ROGDI: variants seen among roughly 807,000 people sequenced by gnomAD.
ROGDI encodes protein rogdi homolog.
Under a neutral mutation model 43.1 loss-of-function variants are expected in ROGDI, and 46 were observed. That is an observed-to-expected ratio of 1.07 (90% CI 0.84 to 1.37). The LOEUF is 1.37. ROGDI is among the 40% of genes most tolerant of loss of function. ROGDI has a pLI of 0.00. For missense variants in ROGDI, 518 were observed against 383.9 expected (o/e 1.35, Z -2.92); for synonymous variants, 243 against 162.0 (o/e 1.50, Z -3.80).
Position 4,802,423 on chromosome 16 carries a change from C to G in ROGDI, c.76G>C (p.Glu26Gln), listed in dbSNP as rs868321489. The change falls in exon 2 of 11, where the codon GAG becomes CAG. Residue 26 changes from glutamate (E) to glutamine (Q), a missense_variant. Glu to Gln is a conservative substitution (Grantham distance 29, BLOSUM62 2). Transcript: ENST00000322048. ...AGCTGCTTCAACACAGCGTGCACCT[C>G]GTCGTGCAGCAGCCAGCGGAACTCC... The part of the protein sequence containing the change: ...EEEFRWLLHD[E>Q]VHAVLKQLQD... 1 of 1,509,936 alleles carries G rather than the reference C, an allele frequency of 6.6e-7. No individual in the cohort carries two copies. Among genetic ancestry groups the G allele is most frequent in the Non-Finnish European group, 8.8e-7 (1 of 1,134,708 alleles). The allele number at this position is 1,509,936 out of a possible 1,614,324, so 93.5% of individuals were successfully genotyped here.
At chr16:4,797,885 G>A in intron 9 of ROGDI, 45 bp from the exon 10 acceptor site, 1 of 1,605,134 alleles carries the variant, frequency 6.2e-7, no homozygotes, top group South Asian at 1.1e-5. Context: ...CGGCCCTCCA[G>A]GTGTGGAGGG....
At position 4,800,436 on chromosome 16, in the gene ROGDI, C is replaced by CGCGGCAG. The variant is rs1388344690; in HGVS notation, c.336+55_336+61dup. On this transcript the variant is annotated intron_variant, in intron 5 of 10. Transcript: ENST00000322048. ...GGCTAGTCCCTCTCCAGGGAGGCCC[C>CGCGGCAG]GCGGCAGGCCTGCTGCCGCCTGTCC... The CGCGGCAG allele has an allele frequency of 8.9e-5, 122 of 1,365,808 alleles. 1 individual carries two copies. The highest frequency in any genetic ancestry group is 4.0e-5 in the Admixed American group (2 of 49,946). 84.6% of individuals were successfully genotyped at this position (1,365,808 alleles called of 1,614,324 possible). A position where few individuals can be genotyped will look rare whatever the true frequency, so the allele number is the denominator to read the frequency against.
chr16:4,797,646 C>G (rs371842781), intron 10 of ROGDI, 68 bp downstream of exon 10: 6 of 1,607,084 alleles, frequency 3.7e-6, no homozygotes, highest in Non-Finnish European at 5.1e-6. Flanking sequence ...AAGGTTGGGG[C>G]GCTCTGAGGG....
At chr16:4,801,646 C>T in intron 2 of ROGDI, 61 bp from the exon 3 acceptor site, 2 of 1,439,954 alleles carry the variant, frequency 1.4e-6, no homozygotes, top group South Asian at 1.2e-5. Context: ...CCCAGTGCTC[C>T]TTCCAGAAGC....
In ROGDI at chr16:4,801,519, T is replaced by C. The variant is rs773693246; in HGVS notation, c.184A>G (p.Ile62Val). 5.0e-6 allele frequency: 8 copies of C among 1,606,444 alleles called. No homozygotes were observed. The East Asian group carries it at 1.8e-4, about 36-fold the overall frequency. Residue 62 changes from isoleucine (I) to valine (V), a missense_variant, in exon 3 of 11, where the codon ATC becomes GTC. Ile to Val is a conservative substitution (Grantham distance 29). Transcript: ENST00000322048. ...TEGPAKQENF[I>V]LGSCGTDQVK... ...CAGGCTCACCCACAGCTGCCTAGGA[T>C]GAAGTTCTCTTGCTTGGCGGGCCCC...
intron 4 of ROGDI, 130 bp from the exon 5 acceptor site, chr16:4,800,708 G>C (rs888652558): frequency 1.4e-6 from 1 of 724,556 alleles, no homozygotes; most frequent in Non-Finnish European, 2.3e-6. Flanking sequence ...ATAGGGCAGA[G>C]GGTCTCCCAA....
chr16:4,798,525 T>C, intron 7 of ROGDI, 44 bp downstream of exon 7: 1 of 1,441,126 alleles, frequency 6.9e-7, no homozygotes, highest in Non-Finnish European at 9.3e-7. Flanking sequence ...TGGGACCCAC[T>C]GTGGGACCCC....
At chr16:4,799,646 G>C in intron 6 of ROGDI, 40 bp downstream of exon 6, 1 of 1,484,092 alleles carries the variant, frequency 6.7e-7, no homozygotes, top group Non-Finnish European at 9.4e-7. Flanking sequence ...GATCAAGAAC[G>C]TGGGACTAGG....
intron 7 of ROGDI, 57 bp from the exon 8 acceptor site, chr16:4,798,241 G>A: frequency 7.1e-7 from 1 of 1,409,730 alleles, no homozygotes; most frequent in Non-Finnish European, 9.9e-7. Context: ...GCTGGATGGA[G>A]CGGGGCTCTG....
chr16:4,800,710 G>GAGACCC, intron 4 of ROGDI, 132 bp from the exon 5 acceptor site: 1 of 700,806 alleles, frequency 1.4e-6, no homozygotes, highest in Non-Finnish European at 2.5e-6. Flanking sequence ...AGGGCAGAGG[G>GAGACCC]TCTCCCAATG....
At chr16:4,802,061 G>C in intron 2 of ROGDI, 2 of 608,128 alleles carry the variant, frequency 3.3e-6, no homozygotes, top group Non-Finnish European at 6.1e-6. Flanking sequence ...TCAGTGACTT[G>C]GCTGAAGTCA....
At chr16:4,801,999 C>T (rs1352287140) in intron 2 of ROGDI, 2 of 577,718 alleles carry the variant, frequency 3.5e-6, no homozygotes, top group African/African-American at 3.7e-5. Flanking sequence ...CCTCGCGAAG[C>T]GGGTACTGTT....
At chr16:4,797,904 G>C in intron 9 of ROGDI, 34 bp downstream of exon 9, 1 of 1,601,470 alleles carries the variant, frequency 6.2e-7, no homozygotes. Flanking sequence ...GGATGGGGTG[G>C]GCGTGCCTGG....
rs1208117133 is a variant in ROGDI, at chr16:4,797,467, G to A, written c.857C>T (p.Pro286Leu). ...AGCTCCTGGGTGCTGTGATCAGAAG[G>A]GTCTGTAGCTCCAGTAGCTGGAGAA... ...SVFSSYWSYR[P>L]F Residue 286 changes from proline (P) to leucine (L), a missense_variant, in exon 11 of 11, where the codon CCC becomes CTC. Coordinates refer to ENST00000322048, the MANE Select transcript of ROGDI (RefSeq NM_024589.3). The A allele has an allele frequency of 1.2e-6, 2 of 1,613,250 alleles. No homozygotes were observed. The highest frequency in any genetic ancestry group is 1.7e-6 in the Non-Finnish European group (2 of 1,179,584).
Position 4,802,414 on chromosome 16 carries a change from C to T in ROGDI, c.85G>A (p.Ala29Thr), listed in dbSNP as rs376839753. ...ATGTCCTGCAGCTGCTTCAACACAG[C>T]GTGCACCTCGTCGTGCAGCAGCCAG... is the stretch of plus-strand genomic sequence containing the variant. ...FRWLLHDEVH[A>T]VLKQLQDILK... The change falls in exon 2 of 11, where the codon GCT becomes ACT. Residue 29 changes from alanine (A) to threonine (T), a missense_variant. Transcript: ENST00000322048. 2.1e-5 allele frequency: 32 copies of T among 1,533,498 alleles called. No individual in the cohort carries two copies. Among genetic ancestry groups the T allele is most frequent in the Non-Finnish European group, 2.6e-5 (30 of 1,146,118 alleles). 95.0% of individuals were successfully genotyped at this position (1,533,498 alleles called of 1,614,324 possible).
chr16:4,800,847 G>A (rs2082706258), intron 4 of ROGDI: 2 of 558,686 alleles, frequency 3.6e-6, no homozygotes, highest in East Asian at 6.2e-5. Context: ...CAGCCTCTGT[G>A]AGGCTCTGTG....
chr16:4,800,336 C>T (rs952928691), intron 5 of ROGDI, among the ~76,000 whole-genome samples, 162 bp downstream of exon 5: 2 of 152,226 alleles, frequency 1.3e-5, no homozygotes, highest in African/African-American at 2.4e-5. Flanking sequence ...GCCTCCAGGG[C>T]TTCAGGAAAC....
intron 10 of ROGDI, 96 bp from the exon 11 acceptor site, chr16:4,797,597 C>T: frequency 1.3e-6 from 2 of 1,591,426 alleles, no homozygotes; most frequent in Non-Finnish European, 1.7e-6. Context: ...CAGGACAGGG[C>T]ATTGCTGCCT....
In ROGDI at chr16:4,800,498, C is replaced by G. The variant is rs1213100918; in HGVS notation, c.336G>C (p.Gln112His). Reference protein sequence around the residue: ...FREDKQWKLQQIQDARNHVSQ... With the variant: ...FREDKQWKLQHIQDARNHVSQ... ...CACTAGCCAGGAGGGGCGGGGTCAC[C>G]TGCTGCAGCTTCCACTGCTTGTCCT... Residue 112 changes from glutamine to histidine, a missense_variant and splice_region_variant, in exon 5 of 11, where the codon CAG (glutamine) becomes CAC (histidine). Gln to His is a conservative substitution (Grantham distance 24). Transcript: ENST00000322048. 1 of 1,554,136 alleles carries G rather than the reference C, an allele frequency of 6.4e-7. No individual in the cohort carries two copies. The highest frequency in any genetic ancestry group is 8.7e-7 in the Non-Finnish European group (1 of 1,148,162).
Sources: allele counts gnomAD v4.1 joint callset (sites outside exome capture counted in the v4.1 genomes callset), GRCh38; gene constraint gnomAD v4.1.1; transcripts MANE v1.5; gene names NCBI Gene and HGNC (gene_info 2026-07-23, HGNC 2026-07-21).